Variants in ATE1 observed in about 807,000 individuals in gnomAD.
ATE1 encodes the protein arginyl-tRNA--protein transferase 1.
A neutral mutation model predicts 70.5 loss-of-function variants in ATE1; 36 were observed. The observed-to-expected ratio is 0.51, with a 90% CI of 0.39 to 0.67. The LOEUF is 0.67. Ranked by LOEUF, ATE1 falls within the 30% of genes least tolerant of loss-of-function variation. The pLI, the probability that ATE1 is intolerant of heterozygous loss-of-function variation, is 0.00. For missense variants in ATE1, 593 were observed against 629.5 expected (o/e 0.94, Z 0.62); for synonymous variants, 232 against 219.3 (o/e 1.06, Z -0.51).
At chr10:121,850,579 C>A (rs533205356) in intron 8 of ATE1, among the ~76,000 whole-genome samples, 2 of 152,270 alleles carry the variant, frequency 1.3e-5, no homozygotes, top group African/African-American at 4.8e-5. Flanking sequence ...TCTGAAAGGG[C>A]CTCAGGGACC....
intron 11 of ATE1, among the ~76,000 whole-genome samples, chr10:121,775,544 G>A (rs895777864): frequency 5.3e-5 from 8 of 152,158 alleles, no homozygotes; most frequent in African/African-American, 1.7e-4. Flanking sequence ...CTATAGAAGA[G>A]GAGAGGAGGA....
chr10:121,855,437 T>C (rs1332056729), intron 8 of ATE1, among the ~76,000 whole-genome samples: 1 of 152,248 alleles, frequency 6.6e-6, no homozygotes, highest in East Asian at 1.9e-4. Context: ...ATTGTATATT[T>C]GTGAGTTAAT....
intron 4 of ATE1, among the ~76,000 whole-genome samples, chr10:121,911,880 G>A (rs1458346842): frequency 1.9e-4 from 29 of 152,016 alleles, no homozygotes; most frequent in Non-Finnish European, 2.4e-4. Flanking sequence ...CCAAGTAGCT[G>A]GGACCACAGG....
At chr10:121,793,319 A>C (rs965117524) in intron 10 of ATE1, among the ~76,000 whole-genome samples, 15 of 152,234 alleles carry the variant, frequency 9.9e-5, no homozygotes, top group African/African-American at 3.6e-4. Flanking sequence ...TGTTGGTTTA[A>C]AATGGTGAAA....
rs372027674 is a variant in ATE1 at position 121,761,191 on chromosome 10, G to A, written c.1379-17333C>T. On this transcript the variant is annotated intron_variant, in intron 11 of 11. Coordinates refer to ENST00000224652, the MANE Select transcript of ATE1 (RefSeq NM_001001976.3). Reference sequence around the variant, plus strand: ...CAGCTTGAGGCCCTCATCAGAAGCTGAGCAGGTGCCAGTGCCAAGCTTCAT... The same window carrying A: ...CAGCTTGAGGCCCTCATCAGAAGCTAAGCAGGTGCCAGTGCCAAGCTTCAT... Among the ~76,000 whole-genome samples the A allele has an allele frequency of 1.2e-4, 19 of 152,252 alleles. No homozygotes were observed. The South Asian group carries it at 2.5e-3, about 20-fold the overall frequency.
upstream of ATE1, chr10:121,928,396 G>A (rs1590755548): frequency 1.3e-6 from 2 of 1,530,294 alleles, no homozygotes; most frequent in Non-Finnish European, 1.8e-6. Flanking sequence ...AGTGGTAGCC[G>A]GCCCTGAGGC....
chr10:121,770,654 T>C (rs1311326174), intron 11 of ATE1, among the ~76,000 whole-genome samples: 1 of 151,658 alleles, frequency 6.6e-6, no homozygotes, highest in Non-Finnish European at 1.5e-5. Context: ...TGACCTGACT[T>C]AATAAAACAA....
At chr10:121,840,435 C>A (rs1948586897) in intron 9 of ATE1, among the ~76,000 whole-genome samples, 1 of 152,060 alleles carries the variant, frequency 6.6e-6, no homozygotes, top group African/African-American at 2.4e-5. Flanking sequence ...GAGTTCGAGA[C>A]CAACCTGGGC....
rs1564881736 is a variant in ATE1 at position 121,836,827 on chromosome 10, G to T, written c.1158-10C>A. On this transcript the variant is annotated splice_polypyrimidine_tract_variant and intron_variant, in intron 9 of 11. Transcript: ENST00000224652. ...AGTAAAAGCAATTTCTCTGCGAAAA[G>T]AAAAAGAAGAAAGCTGAAGGCAGTT... 6.5e-7 allele frequency: 1 copy of T among 1,549,264 alleles called. No homozygotes were observed. Among genetic ancestry groups the T allele is most frequent in the Non-Finnish European group, 8.8e-7 (1 of 1,132,556 alleles).
chr10:121,904,921 T>C (rs934933478), intron 5 of ATE1, among the ~76,000 whole-genome samples: 2 of 152,208 alleles, frequency 1.3e-5, no homozygotes, highest in Admixed American at 6.5e-5. Context: ...AAAATGACTT[T>C]AAATAAGCCT....
chr10:121,813,598 A>G (rs888279110), intron 10 of ATE1, among the ~76,000 whole-genome samples: 1 of 152,246 alleles, frequency 6.6e-6, no homozygotes, highest in Non-Finnish European at 1.5e-5. Flanking sequence ...GGACAGAAAT[A>G]TTAGTCATGT....
At chr10:121,789,992 G>A (rs983044163) in intron 11 of ATE1, among the ~76,000 whole-genome samples, 177 bp downstream of exon 11, 2 of 150,756 alleles carry the variant, frequency 1.3e-5, no homozygotes, top group African/African-American at 2.4e-5. Context: ...GCCAAACTGC[G>A]TGAGTTTGTG....
At chr10:121,799,282 C>T (rs918528687) in intron 10 of ATE1, among the ~76,000 whole-genome samples, 3 of 152,054 alleles carry the variant, frequency 2.0e-5, no homozygotes, top group Non-Finnish European at 4.4e-5. Context: ...CTGGAGCAGC[C>T]AGCAATACTG....
At chr10:121,838,397 G>A (rs1181493130) in intron 9 of ATE1, among the ~76,000 whole-genome samples, 6 of 151,710 alleles carry the variant, frequency 4.0e-5, no homozygotes, top group Non-Finnish European at 7.4e-5. Flanking sequence ...CCTTGCATAA[G>A]GCTCTCTACG....
chr10:121,927,112 G>A (rs1590751221), intron 1 of ATE1: 2 of 985,348 alleles, frequency 2.0e-6, no homozygotes, highest in Non-Finnish European at 2.4e-6. Flanking sequence ...TGGCAAGAGA[G>A]GAAATAAACA....
intron 10 of ATE1, among the ~76,000 whole-genome samples, chr10:121,810,242 T>A (rs1947265160): frequency 6.6e-6 from 1 of 152,224 alleles, no homozygotes; most frequent in Non-Finnish European, 1.5e-5. Context: ...CTTCAGCCTT[T>A]CGGGGTAACT....
chr10:121,776,054 G>T (rs1352257594), intron 11 of ATE1, among the ~76,000 whole-genome samples: 1 of 152,040 alleles, frequency 6.6e-6, no homozygotes, highest in Non-Finnish European at 1.5e-5. Flanking sequence ...CACAATAGTT[G>T]TACATACCCA....
chr10:121,768,649 C>A (rs1945375664), intron 11 of ATE1, among the ~76,000 whole-genome samples: 1 of 152,176 alleles, frequency 6.6e-6, no homozygotes, highest in Non-Finnish European at 1.5e-5. Flanking sequence ...ATTCACCAAT[C>A]AGAGATTGCC....
intron 10 of ATE1, among the ~76,000 whole-genome samples, chr10:121,802,805 G>A (rs180860438): frequency 6.6e-6 from 1 of 152,232 alleles, no homozygotes; most frequent in African/African-American, 2.4e-5. Context: ...ACTTAAGCAT[G>A]GTCCTTAGCA....
Sources: allele counts gnomAD v4.1 joint callset (sites outside exome capture counted in the v4.1 genomes callset), GRCh38; gene constraint gnomAD v4.1.1; transcripts MANE v1.5; gene names NCBI Gene and HGNC (gene_info 2026-07-23, HGNC 2026-07-21).